The following HTR2C variants were observed in gnomAD, a reference collection of about 807,000 sequenced individuals.
HTR2C encodes 5-hydroxytryptamine (serotonin) receptor 2C, G protein-coupled.
Under a neutral mutation model 21.0 loss-of-function variants are expected in HTR2C, and 5 were observed. The ratio of observed to expected loss-of-function variants is 0.24; its 90% CI spans 0.12 to 0.50. The LOEUF (loss-of-function observed/expected upper bound fraction) is 0.50. Among genes scored for constraint, HTR2C ranks in the 20% least tolerant of loss-of-function variants. The pLI is 0.98. For synonymous variants in HTR2C, 150 were observed against 145.3 expected, an observed-to-expected ratio of 1.03 and a Z score of -0.23; for missense variants, 271 against 371.2, an observed-to-expected ratio of 0.73 and a Z score of 2.22.
At chrX:114,776,579 G>A (rs1309255369) in intron 4 of HTR2C, 11 of 522,313 alleles carry the variant, frequency 2.1e-5, no homozygotes, top group Admixed American at 5.0e-5. Flanking sequence ...ATCAAAAACC[G>A]TGTTGGTGGG....
At chrX:114,614,700 C>T (rs1340894736) in intron 2 of HTR2C, among the ~76,000 whole-genome samples, 1 of 111,472 alleles carries the variant, frequency 9.0e-6, no homozygotes, top group East Asian at 2.8e-4. Flanking sequence ...GCAGGAGAGG[C>T]AGGGAGAGGA....
chrX:114,615,125 A>G (rs1354502458), intron 2 of HTR2C, among the ~76,000 whole-genome samples: 1 of 111,687 alleles, frequency 9.0e-6, no homozygotes. Context: ...GGGATGGAAT[A>G]AGGTTGGGAA....
rs782779448 is a variant in HTR2C, at chrX:114,844,178, C to A, written c.350-3825C>A. 4.5e-5 allele frequency among the ~76,000 whole-genome samples: 5 copies of A among 111,612 alleles called. No individual in the cohort carries two copies. In the South Asian group the frequency reaches 1.8e-3, roughly 41 times the overall value. On this transcript the variant is annotated intron_variant, in intron 4 of 5. Transcript: ENST00000276198. The stretch of plus-strand genomic sequence containing the variant: ...AATACATAAAACAATAATTATAAAT[C>A]TATATTAATGAGCACCAAATGTATA...
chrX:114,635,156 T>C (rs1176296283), intron 2 of HTR2C, among the ~76,000 whole-genome samples: 2 of 111,981 alleles, frequency 1.8e-5, no homozygotes, highest in African/African-American at 6.5e-5. Context: ...CATGCTGATA[T>C]ATATAAAGAA....
At chrX:114,875,025 C>T (rs1268141037) in intron 5 of HTR2C, among the ~76,000 whole-genome samples, 11 of 111,080 alleles carry the variant, frequency 9.9e-5, no homozygotes, top group African/African-American at 3.6e-4. Context: ...ATTTTTTTCT[C>T]ATAGTTCTAT....
At chrX:114,894,671 AT>A (rs1244321933) in intron 5 of HTR2C, among the ~76,000 whole-genome samples, 2 of 111,273 alleles carry the variant, frequency 1.8e-5, no homozygotes, top group African/African-American at 6.5e-5. Flanking sequence ...AGGTATTTAT[AT>A]TTCAATAAAT....
At chrX:114,821,092 A>G (rs1482218710) in intron 4 of HTR2C, among the ~76,000 whole-genome samples, 3 of 111,597 alleles carry the variant, frequency 2.7e-5, no homozygotes, top group African/African-American at 9.8e-5. Context: ...TCAACCTATG[A>G]TATGAAAGAA....
chrX:114,896,434 A>AT (rs2071297702), intron 5 of HTR2C, among the ~76,000 whole-genome samples: 1 of 112,203 alleles, frequency 8.9e-6, no homozygotes, highest in South Asian at 3.7e-4. Context: ...ACAGTTACTG[A>AT]GAAAGGAATG....
chrX:114,837,851 T>C (rs1234105345), intron 4 of HTR2C, among the ~76,000 whole-genome samples: 1 of 111,673 alleles, frequency 9.0e-6, no homozygotes, highest in African/African-American at 3.2e-5. Flanking sequence ...CTAAATTTAA[T>C]GTAATTGAAA....
chrX:114,745,921 T>G (rs1021677889), intron 4 of HTR2C, among the ~76,000 whole-genome samples: 1 of 111,810 alleles, frequency 8.9e-6, no homozygotes, highest in African/African-American at 3.2e-5. Context: ...CTATAGTCAA[T>G]AAAAACTTAA....
At chrX:114,696,587 G>T (rs1406779355) in intron 2 of HTR2C, among the ~76,000 whole-genome samples, 1 of 108,441 alleles carries the variant, frequency 9.2e-6, no homozygotes, top group Non-Finnish European at 1.9e-5. Flanking sequence ...AATAGAAGTA[G>T]GAGCAAAGCT....
intron 5 of HTR2C, among the ~76,000 whole-genome samples, chrX:114,877,947 G>A (rs1486260643): frequency 9.0e-6 from 1 of 110,863 alleles, no homozygotes; most frequent in African/African-American, 3.3e-5. Flanking sequence ...TGGATGTAAA[G>A]TTCTGTATCT....
chrX:114,657,219 C>G (rs782788681), intron 2 of HTR2C, among the ~76,000 whole-genome samples: 1 of 110,815 alleles, frequency 9.0e-6, no homozygotes, highest in South Asian at 3.8e-4. Flanking sequence ...CCCGATTGCT[C>G]TTTCTTTCCA....
chrX:114,665,161 C>CT (rs1250066499), intron 2 of HTR2C, among the ~76,000 whole-genome samples: 2 of 111,453 alleles, frequency 1.8e-5, no homozygotes, highest in African/African-American at 3.3e-5. Flanking sequence ...CTTCAGGTTA[C>CT]TTTTTTTTGG....
chrX:114,703,557 A>T (rs1932637503), intron 2 of HTR2C, among the ~76,000 whole-genome samples: 2 of 111,979 alleles, frequency 1.8e-5, no homozygotes, highest in Non-Finnish European at 3.8e-5. Flanking sequence ...ACGCTTTCAA[A>T]GCAGTGAGTA....
rs1349308183 is a variant in HTR2C at position 114,806,905 on chromosome X, C to CACCATATGTATATACCATATATAT, written c.350-41074_350-41051dup. Among the ~76,000 whole-genome samples, 843 of 90,667 alleles carry CACCATATGTATATACCATATATAT rather than the reference C, an allele frequency of 9.3e-3. 115 individuals are homozygous for CACCATATGTATATACCATATATAT. The highest frequency in any genetic ancestry group is 0.014 in the Non-Finnish European group (643 of 46,381). The allele number at this position is 90,667 out of a possible 115,157, so 78.7% of individuals were successfully genotyped here. On this transcript the variant is annotated intron_variant, in intron 4 of 5. Transcript: ENST00000276198. Reference sequence around the variant, plus strand: ...ACCATATATATACCATATATACACACACCATATGTATATACCATATATATA... The same window carrying CACCATATGTATATACCATATATAT: ...ACCATATATATACCATATATACACACACCATATGTATATACCATATATATACCATATGTATATACCATATATATA...
chrX:114,903,614 C>A, intron 5 of HTR2C, among the ~76,000 whole-genome samples: 1 of 112,219 alleles, frequency 8.9e-6, no homozygotes, highest in African/African-American at 3.2e-5. Flanking sequence ...CTACTTTAGG[C>A]TCAAGAATCC....
intron 5 of HTR2C, among the ~76,000 whole-genome samples, chrX:114,876,382 G>T (rs2071134971): frequency 9.7e-6 from 1 of 102,739 alleles, no homozygotes; most frequent in Non-Finnish European, 2.0e-5. Context: ...TTCCAATTTG[G>T]ATGCCGGTTA....
intron 4 of HTR2C, among the ~76,000 whole-genome samples, chrX:114,799,043 GA>G (rs1556446108): frequency 9.4e-6 from 1 of 106,655 alleles, no homozygotes; most frequent in Non-Finnish European, 1.9e-5. Flanking sequence ...GATGTTTCCA[GA>G]AAAAAAAATA....
Sources: allele counts gnomAD v4.1 joint callset (sites outside exome capture counted in the v4.1 genomes callset), GRCh38; gene constraint gnomAD v4.1.1; transcripts MANE v1.5; gene names NCBI Gene and HGNC (gene_info 2026-07-23, HGNC 2026-07-21).